TMEM39A: variants seen among roughly 807,000 people sequenced by gnomAD.
TMEM39A encodes transmembrane protein 39A.
A neutral mutation model predicts 51.9 loss-of-function variants in TMEM39A; 19 were observed. That is an observed-to-expected ratio of 0.37 (90% CI 0.26 to 0.54). TMEM39A has a LOEUF of 0.54. Ranked by LOEUF, TMEM39A falls within the 20% of genes least tolerant of loss-of-function variation. The probability of loss-of-function intolerance (pLI) is 0.88; values close to 1 mark genes in which losing one functional copy is unlikely to be tolerated. For missense variants in TMEM39A, 433 were observed against 590.5 expected (o/e 0.73, Z 2.76); for synonymous variants, 197 against 220.2 (o/e 0.89, Z 0.93).
intron 3 of TMEM39A, among the ~76,000 whole-genome samples, chr3:119,456,077 G>A (rs2081259721): frequency 6.6e-6 from 1 of 152,102 alleles, no homozygotes; most frequent in African/African-American, 2.4e-5. Flanking sequence ...TTTTTATAAA[G>A]AGCAAATGAG....
chr3:119,429,026 G>GT lies in TMEM39A; in HGVS notation c.*2954dup, dbSNP rs2080868090. On this transcript the variant is annotated 3_prime_UTR_variant, in exon 9 of 9. Coordinates refer to ENST00000319172, the MANE Select transcript of TMEM39A (RefSeq NM_018266.3). ...TGTTAATAGATCTGATATCTATTAC[G>GT]TATCTCATACATATTTCTGTTAATG... Among the ~76,000 whole-genome samples the GT allele has an allele frequency of 6.6e-6, 1 of 151,986 alleles. No individual in the cohort carries two copies. The highest frequency in any genetic ancestry group is 2.4e-5 in the African/African-American group (1 of 41,406).
Position 119,429,623 on chromosome 3 carries a change from C to T in TMEM39A, c.*2358G>A, listed in dbSNP as rs866337993. 4 of 152,026 alleles carry T rather than the reference C, an allele frequency of 2.6e-5. No homozygotes were observed. Among genetic ancestry groups the T allele is most frequent in the African/African-American group, 9.7e-5 (4 of 41,388 alleles). The allele number at this position is 152,026 out of a possible 1,614,324, so 9.4% of individuals were successfully genotyped here. A position where few individuals can be genotyped will look rare whatever the true frequency, so the allele number is the denominator to read the frequency against. On this transcript the variant is annotated 3_prime_UTR_variant, in exon 9 of 9. Coordinates refer to ENST00000319172, the MANE Select transcript of TMEM39A (RefSeq NM_018266.3). ...GGTAACTAGTAATTTTTCTCTCTTC[C>T]ATGAACGTGGCCCCTACAAAAACAA... is the stretch of plus-strand genomic sequence containing the variant.
chr3:119,433,759 G>A (rs548084521), intron 8 of TMEM39A, among the ~76,000 whole-genome samples: 5 of 152,228 alleles, frequency 3.3e-5, no homozygotes, highest in African/African-American at 7.2e-5. Context: ...TTCCACTGGC[G>A]TCAAGAAGGA....
chr3:119,447,601 T>TTTTA (rs756601282), intron 4 of TMEM39A, among the ~76,000 whole-genome samples: 14 of 151,946 alleles, frequency 9.2e-5, no homozygotes, highest in African/African-American at 3.4e-4. Flanking sequence ...TTAACCAGTG[T>TTTTA]TTTATTTATT....
At position 119,430,893 on chromosome 3, in the gene TMEM39A, G is replaced by C. The variant is rs1275592139; in HGVS notation, c.*1088C>G. Reference sequence around the variant, plus strand: ...TGACAATATATTTTAGATTCTCTAAGACAAGGTCTCATAAGTTTAGATGAC... The same window carrying C: ...TGACAATATATTTTAGATTCTCTAACACAAGGTCTCATAAGTTTAGATGAC... On this transcript the variant is annotated 3_prime_UTR_variant, in exon 9 of 9. Coordinates refer to ENST00000319172, the MANE Select transcript of TMEM39A (RefSeq NM_018266.3). 2 of 152,110 alleles carry C rather than the reference G, an allele frequency of 1.3e-5. No individual in the cohort carries two copies. Among genetic ancestry groups the C allele is most frequent in the Non-Finnish European group, 2.9e-5 (2 of 68,004 alleles). 9.4% of individuals were successfully genotyped at this position (152,110 alleles called of 1,614,324 possible).
chr3:119,463,093 A>T (rs995687602), intron 1 of TMEM39A, among the ~76,000 whole-genome samples: 11 of 152,252 alleles, frequency 7.2e-5, no homozygotes, highest in African/African-American at 2.7e-4. Context: ...AAACCGCTGG[A>T]TGCAGGGGCT....
At chr3:119,455,536 A>G (rs12636784) in intron 3 of TMEM39A, among the ~76,000 whole-genome samples, 20,315 of 152,214 alleles carry the variant, frequency 0.13, 1,742 homozygotes, top group East Asian at 0.33. Context: ...GGTTCTGTCA[A>G]CCACAGGCAT....
intron 7 of TMEM39A, chr3:119,435,853 A>G: frequency 7.8e-7 from 1 of 1,289,450 alleles, no homozygotes; most frequent in African/African-American, 1.5e-5. Flanking sequence ...TTTTTATTGA[A>G]ATCTGTCCTT....
At chr3:119,444,441 CA>C (rs2081096708) in intron 5 of TMEM39A, among the ~76,000 whole-genome samples, 1 of 151,946 alleles carries the variant, frequency 6.6e-6, no homozygotes, top group African/African-American at 2.4e-5. Context: ...TTGTAGAAAA[CA>C]AGGGTAATAT....
intron 2 of TMEM39A, among the ~76,000 whole-genome samples, chr3:119,459,512 A>G (rs1032256188): frequency 4.6e-5 from 7 of 152,356 alleles, no homozygotes; most frequent in African/African-American, 1.4e-4. Flanking sequence ...AAAGAAAACA[A>G]TAGTTCTTCT....
rs1227873956 is a variant in TMEM39A at position 119,432,080 on chromosome 3, G to C, written c.1368C>G (p.Phe456Leu). 1.2e-6 allele frequency: 2 copies of C among 1,613,304 alleles called. No homozygotes were observed. The highest frequency in any genetic ancestry group is 1.7e-6 in the Non-Finnish European group (2 of 1,179,486). The change falls in exon 9 of 9, where the codon TTC becomes TTG. Residue 456 changes from phenylalanine to leucine, a missense_variant. Physicochemically the swap from Phe to Leu is conservative, Grantham distance 22. Around this residue, in one of 3 missense-constraint regions of TMEM39A, gnomAD observed 223 missense variants for 328.1 expected, o/e 0.68. Coordinates refer to ENST00000319172, the MANE Select transcript of TMEM39A (RefSeq NM_018266.3). ...GTTTAAATAAAACATAGTAGTTGCA[G>C]AAGAGGATGAGAGCCATGGAAAGTG... ...NHTLSMALIL[F>L]CNYYVLFKLL...
intron 5 of TMEM39A, among the ~76,000 whole-genome samples, chr3:119,445,280 G>A (rs2081109073): frequency 6.6e-6 from 1 of 152,018 alleles, no homozygotes. Flanking sequence ...ATTTATTTGA[G>A]ACAGAGTCTT....
chr3:119,436,380 C>T (rs866884912), intron 7 of TMEM39A, among the ~76,000 whole-genome samples: 3 of 152,160 alleles, frequency 2.0e-5, no homozygotes, highest in African/African-American at 7.2e-5. Flanking sequence ...ATGAGAGAAT[C>T]ATATTCCAGC....
chr3:119,446,844 G>A, intron 5 of TMEM39A, 174 bp downstream of exon 5: 1 of 725,748 alleles, frequency 1.4e-6, no homozygotes, highest in Non-Finnish European at 2.2e-6. Flanking sequence ...TGTCCCAACT[G>A]TACTCCAGTT....
At chr3:119,444,776 T>C (rs969772856) in intron 5 of TMEM39A, among the ~76,000 whole-genome samples, 2 of 152,174 alleles carry the variant, frequency 1.3e-5, no homozygotes, top group African/African-American at 4.8e-5. Context: ...AACAAATTTA[T>C]AGGTGATGCT....
rs56263355 is a variant in TMEM39A, at chr3:119,443,063, C to CA, written c.575+3954dup. On this transcript the variant is annotated intron_variant, in intron 5 of 8. Coordinates refer to ENST00000319172, the MANE Select transcript of TMEM39A (RefSeq NM_018266.3). The stretch of plus-strand genomic sequence containing the variant: ...CCTGGGCGACAGTGAGACCCTGTCT[C>CA]AAAAAAAAAAAAAAAAAAAAAAAAG... Among the ~76,000 whole-genome samples the CA allele has an allele frequency of 4.0e-3, 212 of 52,690 alleles. 2 individuals are homozygous for CA. Among genetic ancestry groups the CA allele is most frequent in the Middle Eastern group, 9.1e-3 (1 of 110 alleles). 34.6% of individuals were successfully genotyped at this position (52,690 alleles called of 152,430 possible).
chr3:119,454,100 T>C (rs1348220769), intron 3 of TMEM39A, among the ~76,000 whole-genome samples: 1 of 152,202 alleles, frequency 6.6e-6, no homozygotes, highest in Non-Finnish European at 1.5e-5. Context: ...GGAAAATATA[T>C]GCCTAGTGTG....
intron 5 of TMEM39A, among the ~76,000 whole-genome samples, chr3:119,439,397 A>G (rs568635937): frequency 1.3e-5 from 2 of 152,110 alleles, no homozygotes; most frequent in Non-Finnish European, 2.9e-5. Flanking sequence ...CCTGGTCAAC[A>G]TGGTAAAACT....
intron 4 of TMEM39A, among the ~76,000 whole-genome samples, chr3:119,447,917 A>AT (rs2107676497): frequency 1.3e-5 from 2 of 152,200 alleles, no homozygotes; most frequent in South Asian, 4.2e-4. Context: ...GCCCGGCCTG[A>AT]TTTTTTATGT....
Sources: allele counts gnomAD v4.1 joint callset (sites outside exome capture counted in the v4.1 genomes callset), GRCh38; gene constraint gnomAD v4.1.1; regional missense constraint gnomAD v4.1.1; transcripts MANE v1.5; gene names NCBI Gene and HGNC (gene_info 2026-07-23, HGNC 2026-07-21).